ANKRD28: variants seen among roughly 807,000 people sequenced by gnomAD.
The protein encoded by ANKRD28 is serine/threonine-protein phosphatase 6 regulatory ankyrin repeat subunit A.
In ANKRD28, 44 loss-of-function variants were observed where a neutral mutation model predicts 126.5. That is an observed-to-expected ratio of 0.35 (90% CI 0.27 to 0.45). The LOEUF (loss-of-function observed/expected upper bound fraction) is 0.45. Among genes scored for constraint, ANKRD28 ranks in the 20% least tolerant of loss-of-function variants. ANKRD28 has a pLI of 1.00. For missense variants in ANKRD28, 1,110 were observed against 1,316.6 expected, an observed-to-expected ratio of 0.84 and a Z score of 2.43; for synonymous variants, 442 against 468.5, an observed-to-expected ratio of 0.94 and a Z score of 0.73.
At chr3:15,803,136 A>T (rs2060498274) in intron 1 of ANKRD28, among the ~76,000 whole-genome samples, 1 of 152,216 alleles carries the variant, frequency 6.6e-6, no homozygotes, top group African/African-American at 2.4e-5. Context: ...TTGAGAACTC[A>T]TTAAAAATTT....
intron 1 of ANKRD28, among the ~76,000 whole-genome samples, chr3:15,836,835 C>A (rs1052026913): frequency 6.6e-6 from 1 of 152,064 alleles, no homozygotes; most frequent in African/African-American, 2.4e-5. Flanking sequence ...CCAGCTCACA[C>A]CTGTAATAAC....
In ANKRD28 at chr3:15,735,506, G is replaced by C. The variant is rs143913747; in HGVS notation, c.553-9C>G. 622 of 1,539,326 alleles carry C rather than the reference G, an allele frequency of 4.0e-4. 2 individuals carry two copies. The African/African-American group carries it at 7.9e-3, about 20-fold the overall frequency. ...AAGAGTAGTTTGACCATCTGGAATA[G>C]AAGTAAACACAGTGTCATCAAAATT... On this transcript the variant is annotated splice_polypyrimidine_tract_variant and intron_variant, in intron 5 of 27. Transcript: ENST00000683139.
chr3:15,682,612 G>A (rs927566479), intron 21 of ANKRD28, among the ~76,000 whole-genome samples: 2 of 152,108 alleles, frequency 1.3e-5, no homozygotes, highest in Non-Finnish European at 2.9e-5. Context: ...TGAACTTTTA[G>A]TATCTACAGC....
chr3:15,703,782 G>A (rs2070959515), intron 14 of ANKRD28, among the ~76,000 whole-genome samples: 1 of 152,166 alleles, frequency 6.6e-6, no homozygotes, highest in African/African-American at 2.4e-5. Context: ...GATAGAGGAC[G>A]GAAGAGTTAT....
rs2125978811 is a variant in ANKRD28 at position 15,843,972 on chromosome 3, G to A, written c.27+15405C>T. On this transcript the variant is annotated intron_variant, in intron 1 of 27. Coordinates refer to the ANKRD28 transcript ENST00000399451. This position sits in a 1 kb window ranked among gnomAD's most constrained non-coding sequence, Gnocchi z 5.2. ...GGCTAAAGGAAGGGAGGTTAAGGTGGAAATGCAGGAACGAAAGCTGGGTAG... is the reference window on the plus strand; with the variant it reads ...GGCTAAAGGAAGGGAGGTTAAGGTGAAAATGCAGGAACGAAAGCTGGGTAG... Among the ~76,000 whole-genome samples the A allele has an allele frequency of 6.6e-6, 1 of 152,274 alleles. No individual in the cohort carries two copies. Among genetic ancestry groups the A allele is most frequent in the South Asian group, 2.1e-4 (1 of 4,818 alleles).
chr3:15,723,735 T>C (rs2073956476), intron 7 of ANKRD28, among the ~76,000 whole-genome samples: 1 of 152,236 alleles, frequency 6.6e-6, no homozygotes, highest in Admixed American at 6.5e-5. Flanking sequence ...TGTGCCACTA[T>C]ACTACAGCCT....
intron 1 of ANKRD28, among the ~76,000 whole-genome samples, chr3:15,847,872 G>C (rs371373264): frequency 6.6e-6 from 1 of 152,096 alleles, no homozygotes; most frequent in African/African-American, 2.4e-5. Flanking sequence ...TCCCTGCTTT[G>C]CCTCTTCCAG....
intron 1 of ANKRD28, among the ~76,000 whole-genome samples, chr3:15,819,064 G>A (rs2060889487): frequency 6.6e-6 from 1 of 152,134 alleles, no homozygotes; most frequent in Admixed American, 6.5e-5. Context: ...GACTGCTTGA[G>A]CCCAAGAGTT....
At chr3:15,766,398 C>A (rs541743693) in intron 2 of ANKRD28, 86 bp from the exon 3 acceptor site, 15 of 910,470 alleles carry the variant, frequency 1.6e-5, no homozygotes, top group Non-Finnish European at 2.2e-5. Flanking sequence ...AACAACCCCT[C>A]CCCCCACCAA....
chr3:15,846,646 A>T lies in ANKRD28; in HGVS notation c.27+12731T>A, dbSNP rs1487355595. Reference sequence around the variant, plus strand: ...AGTAATAGTGGATGCTGTAATGGATAAATCCCAAATTATCACATAACAGAA... The same window carrying T: ...AGTAATAGTGGATGCTGTAATGGATTAATCCCAAATTATCACATAACAGAA... On this transcript the variant is annotated intron_variant, in intron 1 of 27. Coordinates refer to the ANKRD28 transcript ENST00000399451. This position sits in a 1 kb window ranked among gnomAD's most constrained non-coding sequence, Gnocchi z 5.4. 1.3e-5 allele frequency among the ~76,000 whole-genome samples: 2 copies of T among 152,266 alleles called. No homozygotes were observed. The highest frequency in any genetic ancestry group is 2.9e-5 in the Non-Finnish European group (2 of 68,056).
intron 1 of ANKRD28, among the ~76,000 whole-genome samples, chr3:15,840,893 C>T (rs752928851): frequency 5.3e-5 from 8 of 152,220 alleles, no homozygotes; most frequent in Non-Finnish European, 1.0e-4. Context: ...GTAATCCCAG[C>T]ACTTTGGGAG....
intron 1 of ANKRD28, among the ~76,000 whole-genome samples, chr3:15,848,986 A>G (rs2061583179): frequency 6.6e-6 from 1 of 152,222 alleles, no homozygotes; most frequent in Non-Finnish European, 1.5e-5. Context: ...AAAGTTCAAC[A>G]AAGTTGTAGG....
rs1232155871 is a variant in ANKRD28, at chr3:15,679,308, T to C, written c.2554A>G (p.Lys852Glu). The change falls in exon 23 of 28, where the codon AAA (lysine) becomes GAA (glutamate). Residue 852 changes from lysine (K) to glutamate (E), a missense_variant. By Grantham distance (56) the Lys-to-Glu change is moderately conservative (BLOSUM62 1). Coordinates refer to ENST00000683139, the MANE Select transcript of ANKRD28 (RefSeq NM_001349278.2). ...GASIVNATDS[K>E]GRTPLHAAAF... The stretch of plus-strand genomic sequence containing the variant: ...ACATAGTTGAATTCCTACCTTCCTT[T>C]TGAATCTGTGGCGTTCACAATGCTG... The C allele has an allele frequency of 1.9e-6, 3 of 1,613,926 alleles. No homozygotes were observed. Among genetic ancestry groups the C allele is most frequent in the South Asian group, 1.1e-5 (1 of 91,078 alleles).
chr3:15,716,770 T>G (rs2073118185), intron 8 of ANKRD28, among the ~76,000 whole-genome samples: 1 of 152,228 alleles, frequency 6.6e-6, no homozygotes, highest in Admixed American at 6.5e-5. Flanking sequence ...TTAACATTTA[T>G]GTATACATAG....
At chr3:15,823,151 G>A (rs1459606370) in intron 1 of ANKRD28, among the ~76,000 whole-genome samples, 2 of 152,130 alleles carry the variant, frequency 1.3e-5, no homozygotes, top group Admixed American at 6.5e-5. Context: ...GGCTGAAATC[G>A]TTTCACCTCA....
intron 2 of ANKRD28, among the ~76,000 whole-genome samples, chr3:15,775,374 T>G (rs1559510838): frequency 6.6e-6 from 1 of 152,200 alleles, no homozygotes; most frequent in Non-Finnish European, 1.5e-5. Flanking sequence ...GGAGGTTGTT[T>G]CCTCATAAAG....
intron 3 of ANKRD28, among the ~76,000 whole-genome samples, chr3:15,760,447 T>C (rs1360775770): frequency 6.6e-6 from 1 of 152,242 alleles, no homozygotes; most frequent in African/African-American, 2.4e-5. Context: ...TGTTCACTTT[T>C]TGCCCCTTCC....
chr3:15,837,053 T>A (rs1575797940), intron 1 of ANKRD28, among the ~76,000 whole-genome samples: 1 of 143,264 alleles, frequency 7.0e-6, no homozygotes. Flanking sequence ...TGAGCCGAGG[T>A]CGCACCACTG....
chr3:15,847,891 G>A (rs13092817), intron 1 of ANKRD28, among the ~76,000 whole-genome samples: 1 of 151,992 alleles, frequency 6.6e-6, no homozygotes, highest in Non-Finnish European at 1.5e-5. Flanking sequence ...AGTGGCTCAT[G>A]ATTGCTTTCA....
Sources: gnomAD v4.1 joint callset for allele counts (sites outside exome capture counted in the v4.1 genomes callset) on GRCh38, gnomAD v4.1.1 for gene constraint, Gnocchi (gnomAD v3.1) non-coding constraint, MANE v1.5 for transcripts, NCBI Gene and HGNC (gene_info 2026-07-23, HGNC 2026-07-21) for gene names.